The following PCDHB11 variants were observed in gnomAD, a reference collection of about 807,000 sequenced individuals.
The protein encoded by PCDHB11 is protocadherin beta-11.
For missense variants in PCDHB11, 1,151 were observed against 1,003.4 expected, an observed-to-expected ratio of 1.15 and a Z score of -1.99; for synonymous variants, 522 against 442.0, an observed-to-expected ratio of 1.18 and a Z score of -2.27.
At position 141,203,486 on chromosome 5, in the gene PCDHB11, T is replaced by A. The variant is rs1436111361; in HGVS notation, c.*1318T>A. On this transcript the variant is annotated 3_prime_UTR_variant, in exon 1 of 1. Coordinates refer to ENST00000354757, the MANE Select transcript of PCDHB11 (RefSeq NM_018931.3). ...TGCCCTTCCAACCTTATTCTAACATTCTATTTATTCATTTAAAAAGCCACA... is the reference window on the plus strand; with the variant it reads ...TGCCCTTCCAACCTTATTCTAACATACTATTTATTCATTTAAAAAGCCACA... The A allele has an allele frequency of 6.6e-6, 1 of 152,248 alleles. No homozygotes were observed. Among genetic ancestry groups the A allele is most frequent in the African/African-American group, 2.4e-5 (1 of 41,462 alleles). 9.4% of individuals were successfully genotyped at this position (152,248 alleles called of 1,614,324 possible).
chr5:141,201,395 T>C lies in PCDHB11; in HGVS notation c.1621T>C (p.Leu541=), dbSNP rs782069071. 15 of 1,612,082 alleles carry C rather than the reference T, an allele frequency of 9.3e-6. No homozygotes were observed. Among genetic ancestry groups the C allele is most frequent in the South Asian group, 4.4e-5 (4 of 90,992 alleles). The part of the protein sequence containing the change: ...VGATDRGSPA[L]SSEALVRVLV... ...CGCCACAGACCGCGGCTCCCCGGCT[T>C]TGAGCAGCGAGGCGCTGGTGCGCGT... Residue 541 remains leucine (L), a synonymous_variant, in exon 1 of 1, where the codon TTG becomes CTG. Transcript: ENST00000354757.
In PCDHB11 at chr5:141,200,625, C is replaced by A; in HGVS notation, c.851C>A (p.Ala284Asp). 1.9e-6 allele frequency: 3 copies of A among 1,614,196 alleles called. No individual in the cohort carries two copies. Among genetic ancestry groups the A allele is most frequent in the Non-Finnish European group, 2.5e-6 (3 of 1,180,054 alleles). Residue 284 changes from alanine (A) to aspartate (D), a missense_variant, in exon 1 of 1, where the codon GCC becomes GAC. Physicochemically the swap from Ala to Asp is moderately radical, Grantham distance 126. Transcript: ENST00000354757. ...NGEICYTFSH[A>D]SEDIRKTFEI... The stretch of plus-strand genomic sequence containing the variant: ...GAAATATGCTATACCTTTTCCCATG[C>A]CTCAGAAGATATTCGCAAGACATTT...
rs782623042 is a variant in PCDHB11, at chr5:141,200,894, G to C, written c.1120G>C (p.Asp374His). 1.2e-6 allele frequency: 2 copies of C among 1,614,182 alleles called. No individual in the cohort carries two copies. Among genetic ancestry groups the C allele is most frequent in the South Asian group, 2.2e-5 (2 of 91,080 alleles). Residue 374 changes from aspartate to histidine, a missense_variant, in exon 1 of 1, where the codon GAC (aspartate) becomes CAC (histidine). By Grantham distance (81) the Asp-to-His change is moderately conservative. Coordinates refer to ENST00000354757, the MANE Select transcript of PCDHB11 (RefSeq NM_018931.3). ...VVMVFSIQDI[D>H]SGDNGRIVCS... ...TATGGTTTTTAGTATCCAAGATATAGACTCTGGGGACAACGGAAGAATTGT... is the reference window on the plus strand; with the variant it reads ...TATGGTTTTTAGTATCCAAGATATACACTCTGGGGACAACGGAAGAATTGT...
rs1554286011 is a variant in PCDHB11 at position 141,203,719 on chromosome 5, T to TG, written c.*1553dup. 1 of 152,086 alleles carries TG rather than the reference T, an allele frequency of 6.6e-6. No homozygotes were observed. Among genetic ancestry groups the TG allele is most frequent in the African/African-American group, 2.4e-5 (1 of 41,418 alleles). 9.4% of individuals were successfully genotyped at this position (152,086 alleles called of 1,614,324 possible). Reference sequence around the variant, plus strand: ...TATATATAGAGAGAGAGAGAGATCATGGCTTATAATCCAAACAAAATGTAA... The same window carrying TG: ...TATATATAGAGAGAGAGAGAGATCATGGGCTTATAATCCAAACAAAATGTAA... On this transcript the variant is annotated 3_prime_UTR_variant, in exon 1 of 1. Transcript: ENST00000354757.
Position 141,201,924 on chromosome 5 carries a change from G to A in PCDHB11, c.2150G>A (p.Ser717Asn). ...LFVAVRLCRR[S>N]RAASVGSCSV... ...GTGGCGGTGCGGCTGTGCAGGAGGA[G>A]CAGGGCGGCCTCGGTGGGAAGCTGC... Residue 717 changes from serine (S) to asparagine (N), a missense_variant, in exon 1 of 1, where the codon AGC becomes AAC. Ser to Asn is a conservative substitution (Grantham distance 46). Coordinates refer to ENST00000354757, the MANE Select transcript of PCDHB11 (RefSeq NM_018931.3). The A allele has an allele frequency of 6.2e-7, 1 of 1,613,008 alleles. No homozygotes were observed. The highest frequency in any genetic ancestry group is 8.5e-7 in the Non-Finnish European group (1 of 1,179,280).
chr5:141,203,497 A>G lies in PCDHB11; in HGVS notation c.*1329A>G, dbSNP rs187723481. On this transcript the variant is annotated 3_prime_UTR_variant, in exon 1 of 1. Transcript: ENST00000354757. The stretch of plus-strand genomic sequence containing the variant: ...CCTTATTCTAACATTCTATTTATTC[A>G]TTTAAAAAGCCACATCATCTAGTTC... The G allele has an allele frequency of 7.9e-5, 12 of 152,322 alleles. No individual in the cohort carries two copies. Among genetic ancestry groups the G allele is most frequent in the Admixed American group, 5.9e-4 (9 of 15,304 alleles). 9.4% of individuals were successfully genotyped at this position (152,322 alleles called of 1,614,324 possible).
rs532134044 is a variant in PCDHB11 at position 141,200,371 on chromosome 5, G to A, written c.597G>A (p.Ala199=). The A allele has an allele frequency of 1.2e-6, 2 of 1,614,158 alleles. No homozygotes were observed. The highest frequency in any genetic ancestry group is 8.5e-7 in the Non-Finnish European group (1 of 1,180,024). The change falls in exon 1 of 1, where the codon GCG becomes GCA. Residue 199 remains alanine (A), a synonymous_variant. Transcript: ENST00000354757. ...ACCCCGAGTTAGTTCTGGACAAGGC[G>A]CTGGATTATGAAGAGCTCCCGGAGC... The part of the protein sequence containing the change: ...RKYPELVLDK[A]LDYEELPELS...
Position 141,201,935 on chromosome 5 carries a change from T to C in PCDHB11, c.2161T>C (p.Ser721Pro), listed in dbSNP as rs1324188091. ...VRLCRRSRAA[S>P]VGSCSVPKGP... ...GCTGTGCAGGAGGAGCAGGGCGGCCTCGGTGGGAAGCTGCTCGGTGCCTAA... is the reference window on the plus strand; with the variant it reads ...GCTGTGCAGGAGGAGCAGGGCGGCCCCGGTGGGAAGCTGCTCGGTGCCTAA... The change falls in exon 1 of 1, where the codon TCG (serine) becomes CCG (proline). Residue 721 changes from serine (S) to proline (P), a missense_variant. Ser to Pro is a moderately conservative substitution (Grantham distance 74). Transcript: ENST00000354757. 1 of 1,613,844 alleles carries C rather than the reference T, an allele frequency of 6.2e-7. No homozygotes were observed. The highest frequency in any genetic ancestry group is 8.5e-7 in the Non-Finnish European group (1 of 1,179,998).
Position 141,201,020 on chromosome 5 carries a change from G to A in PCDHB11, c.1246G>A (p.Glu416Lys). 1 of 1,614,190 alleles carries A rather than the reference G, an allele frequency of 6.2e-7. No individual in the cohort carries two copies. The highest frequency in any genetic ancestry group is 8.5e-7 in the Non-Finnish European group (1 of 1,180,044). The stretch of plus-strand genomic sequence containing the variant: ...ACCACTGGACAGAGAGAGCACAGCC[G>A]AGTACAATATCACCATCACCGTCAC... ...ERPLDRESTA[E>K]YNITITVTDL... Residue 416 changes from glutamate (E) to lysine (K), a missense_variant, in exon 1 of 1, where the codon GAG (glutamate) becomes AAG (lysine). Physicochemically the swap from Glu to Lys is moderately conservative, Grantham distance 56. Transcript: ENST00000354757.
At position 141,201,210 on chromosome 5, in the gene PCDHB11, A is replaced by T; in HGVS notation, c.1436A>T (p.Asp479Val). ...GGCAGTGTCAGCGCTACAGACAGAG[A>T]CTCAGGCACCAACGCCCAGGTCAAC... ...HIGSVSATDR[D>V]SGTNAQVNYS... The change falls in exon 1 of 1, where the codon GAC (aspartate) becomes GTC (valine). Residue 479 changes from aspartate (D) to valine (V), a missense_variant. By Grantham distance (152) the Asp-to-Val change is radical (BLOSUM62 -3). Transcript: ENST00000354757. 6.2e-7 allele frequency: 1 copy of T among 1,613,064 alleles called. No individual in the cohort carries two copies. Among genetic ancestry groups the T allele is most frequent in the Non-Finnish European group, 8.5e-7 (1 of 1,179,986 alleles).
Position 141,200,280 on chromosome 5 carries a change from G to A in PCDHB11, c.506G>A (p.Ser169Asn). The A allele has an allele frequency of 6.2e-7, 1 of 1,614,164 alleles. No individual in the cohort carries two copies. The change falls in exon 1 of 1, where the codon AGC (serine) becomes AAC (asparagine). Residue 169 changes from serine (S) to asparagine (N), a missense_variant. Transcript: ENST00000354757. ...GATGTAGGAATCAATGCTGTAAAAA[G>A]CTACACAATAAGCCCCAACTCTCAT... ...DLDVGINAVK[S>N]YTISPNSHFH...
In PCDHB11 at chr5:141,200,977, C is replaced by A; in HGVS notation, c.1203C>A (p.Tyr401Ter). ...TAAAATCTTCAGTTGAGAATTACTA[C>A]ACGTTGGAAACAGAGAGACCACTGG... ...FVLKSSVENY[Y>*]TLETERPLDR... The change falls in exon 1 of 1, where the codon TAC becomes TAA. Residue 401 changes from tyrosine (Y) to a stop codon, truncating the protein, a stop_gained. Transcript: ENST00000354757. LOFTEE classifies it low-confidence loss of function (END_TRUNC). The A allele has an allele frequency of 6.2e-7, 1 of 1,614,192 alleles. No individual in the cohort carries two copies. Among genetic ancestry groups the A allele is most frequent in the Non-Finnish European group, 8.5e-7 (1 of 1,180,052 alleles).
At position 141,200,039 on chromosome 5, in the gene PCDHB11, A is replaced by G. The variant is rs782196596; in HGVS notation, c.265A>G (p.Thr89Ala). The change falls in exon 1 of 1, where the codon ACA becomes GCA. Residue 89 changes from threonine to alanine, a missense_variant. Transcript: ENST00000354757. ...CACTGGGGATTTGCTCTTAAGTGAA[A>G]CACTAGACAGGGAGGAGCTCTGCGG... ...INTGDLLLSE[T>A]LDREELCGSI... 3.7e-6 allele frequency: 6 copies of G among 1,614,184 alleles called. No homozygotes were observed. Among genetic ancestry groups the G allele is most frequent in the Middle Eastern group, 1.6e-4 (1 of 6,062 alleles).
chr5:141,201,484 G>T lies in PCDHB11; in HGVS notation c.1710G>T (p.Ala570=), dbSNP rs782300028. Residue 570 remains alanine (A), a synonymous_variant, in exon 1 of 1, where the codon GCG becomes GCT. Transcript: ENST00000354757. ...FVLYPLQNGS[A]PCTELVPRAA... is the part of the protein sequence containing the mutation. ...TGTACCCGCTGCAGAACGGCTCCGCGCCCTGCACCGAGCTGGTGCCCCGGG... is the reference window on the plus strand; with the variant it reads ...TGTACCCGCTGCAGAACGGCTCCGCTCCCTGCACCGAGCTGGTGCCCCGGG... 1.1e-4 allele frequency: 170 copies of T among 1,609,402 alleles called. No homozygotes were observed. The highest frequency in any genetic ancestry group is 1.3e-4 in the Non-Finnish European group (148 of 1,178,926).
Position 141,202,964 on chromosome 5 carries a change from G to C in PCDHB11, c.*796G>C, listed in dbSNP as rs1023072954. ...ACATTGTAAATCCTTTTTATATTAA[G>C]TAACAGGTAGTTAATCCATTTCTAA... is the stretch of plus-strand genomic sequence containing the variant. On this transcript the variant is annotated 3_prime_UTR_variant, in exon 1 of 1. Transcript: ENST00000354757. The C allele has an allele frequency of 4.7e-5, 5 of 106,522 alleles. No individual in the cohort carries two copies. The highest frequency in any genetic ancestry group is 1.1e-4 in the Non-Finnish European group (5 of 47,240). The allele number at this position is 106,522 out of a possible 1,614,324, so 6.6% of individuals were successfully genotyped here. A position where few individuals can be genotyped will look rare whatever the true frequency, so the allele number is the denominator to read the frequency against.
At position 141,201,262 on chromosome 5, in the gene PCDHB11, G is replaced by A. The variant is rs748526666; in HGVS notation, c.1488G>A (p.Leu496=). 1.9e-6 allele frequency: 3 copies of A among 1,613,432 alleles called. No homozygotes were observed. Among genetic ancestry groups the A allele is most frequent in the Non-Finnish European group, 2.5e-6 (3 of 1,180,042 alleles). Residue 496 remains leucine (L), a synonymous_variant, in exon 1 of 1, where the codon CTG becomes CTA. Coordinates refer to ENST00000354757, the MANE Select transcript of PCDHB11 (RefSeq NM_018931.3). ...VNYSLLPPQD[L]HLPLASLVSI... ...ACTCGCTACTCCCGCCCCAGGACCT[G>A]CACCTGCCCCTCGCCTCCCTGGTCT... is the stretch of plus-strand genomic sequence containing the variant.
At position 141,200,913 on chromosome 5, in the gene PCDHB11, G is replaced by A. The variant is rs782216189; in HGVS notation, c.1139G>A (p.Arg380Lys). 1 of 1,614,204 alleles carries A rather than the reference G, an allele frequency of 6.2e-7. No homozygotes were observed. Among genetic ancestry groups the A allele is most frequent in the Admixed American group, 1.7e-5 (1 of 60,020 alleles). The change falls in exon 1 of 1, where the codon AGA (arginine) becomes AAA (lysine). Residue 380 changes from arginine to lysine, a missense_variant. Arg to Lys is a conservative substitution (Grantham distance 26, BLOSUM62 2). Coordinates refer to ENST00000354757, the MANE Select transcript of PCDHB11 (RefSeq NM_018931.3). ...GATATAGACTCTGGGGACAACGGAA[G>A]AATTGTTTGTTCCATTCCGGAAGAC... The part of the protein sequence containing the change: ...IQDIDSGDNG[R>K]IVCSIPEDLP...
rs552004723 is a variant in PCDHB11, at chr5:141,199,976, T to C, written c.202T>C (p.Ser68Pro). ...GTCCTCACGGGGGGCTCGGGTGGTC[T>C]CTAATGATAAGAAACAGCGTTTGCA... is the stretch of plus-strand genomic sequence containing the variant. Reference protein sequence around the residue: ...ELSSRGARVVSNDKKQRLQLD... With the variant: ...ELSSRGARVVPNDKKQRLQLD... The change falls in exon 1 of 1, where the codon TCT becomes CCT. Residue 68 changes from serine (S) to proline (P), a missense_variant. Coordinates refer to ENST00000354757, the MANE Select transcript of PCDHB11 (RefSeq NM_018931.3). 2 of 1,614,130 alleles carry C rather than the reference T, an allele frequency of 1.2e-6. No homozygotes were observed. The highest frequency in any genetic ancestry group is 2.2e-5 in the East Asian group (1 of 44,866).
chr5:141,202,212 T>A lies in PCDHB11; in HGVS notation c.*44T>A. ...TTGCATGTACTTTTTTAGTTTTATG[T>A]AACCATATCAATATTATTTAGTCTT... On this transcript the variant is annotated 3_prime_UTR_variant, in exon 1 of 1. Transcript: ENST00000354757. 2 of 1,456,280 alleles carry A rather than the reference T, an allele frequency of 1.4e-6. No individual in the cohort carries two copies. Among genetic ancestry groups the A allele is most frequent in the Non-Finnish European group, 1.9e-6 (2 of 1,075,058 alleles). 90.2% of individuals were successfully genotyped at this position (1,456,280 alleles called of 1,614,324 possible).
Sources: allele counts gnomAD v4.1 joint callset, GRCh38; gene constraint gnomAD v4.1.1; transcripts MANE v1.5; gene names NCBI Gene and HGNC (gene_info 2026-07-23, HGNC 2026-07-21).